EEIG1: variants seen among roughly 807,000 people sequenced by gnomAD.
EEIG1 encodes the protein early estrogen-induced gene 1 protein.
chr9:127,942,964 G>A, the EEIG1 span: 1 of 586,574 alleles, frequency 1.7e-6, no homozygotes, highest in Non-Finnish European at 3.1e-6. Context: ...TAGTGGTTCA[G>A]AGGAGAATAT....
the EEIG1 span, among the ~76,000 whole-genome samples, chr9:127,979,801 T>A: frequency 1.3e-5 from 2 of 152,198 alleles, no homozygotes; most frequent in Non-Finnish European, 2.9e-5. Context: ...CCCCCAGGTA[T>A]TTGGCTGGCG....
the EEIG1 span, chr9:127,953,429 A>G: frequency 4.3e-6 from 3 of 704,676 alleles, no homozygotes; most frequent in East Asian, 5.1e-5. Context: ...AAGACCATCA[A>G]TAAAGATATT....
At chr9:127,979,020 A>C in the EEIG1 span, among the ~76,000 whole-genome samples, 2 of 151,942 alleles carry the variant, frequency 1.3e-5, no homozygotes, top group East Asian at 3.9e-4. Context: ...GCGTCCCCCC[A>C]AAAAAGAAAA....
chr9:127,979,964 C>CT, the EEIG1 span: 3 of 1,600,244 alleles, frequency 1.9e-6, no homozygotes, highest in South Asian at 3.3e-5. Flanking sequence ...ACCCCCGCTG[C>CT]TGCAGGCGCG....
chr9:127,968,875 C>T, the EEIG1 span, among the ~76,000 whole-genome samples: 1 of 152,200 alleles, frequency 6.6e-6, no homozygotes, highest in African/African-American at 2.4e-5. Context: ...ACTCACTGGT[C>T]TCCACCTCCT....
At chr9:127,954,503 A>G in the EEIG1 span, among the ~76,000 whole-genome samples, 271 of 152,246 alleles carry the variant, frequency 1.8e-3, 2 homozygotes, top group Middle Eastern at 0.014. Context: ...AACAGCTGAT[A>G]CCCACACAGT....
chr9:127,943,361 G>T, the EEIG1 span: 1 of 892,838 alleles, frequency 1.1e-6, no homozygotes, highest in East Asian at 2.5e-5. Flanking sequence ...GTTGCAAAGG[G>T]GCTAAAACCG....
chr9:127,943,217 T>C, the EEIG1 span: 25 of 1,614,100 alleles, frequency 1.5e-5, no homozygotes, highest in Non-Finnish European at 2.0e-5. Flanking sequence ...CACAACTGGC[T>C]CGTAGACCCC....
chr9:127,950,591 C>A, the EEIG1 span: 1 of 1,595,072 alleles, frequency 6.3e-7, no homozygotes, highest in Non-Finnish European at 8.6e-7. Flanking sequence ...GGGCTCCTGG[C>A]TGGCGGAAGC....
At chr9:127,944,475 G>A in the EEIG1 span, 1 of 665,674 alleles carries the variant, frequency 1.5e-6, no homozygotes, top group South Asian at 1.7e-5. Context: ...GGGAAAGGGA[G>A]GTTCAGAGAC....
the EEIG1 span, among the ~76,000 whole-genome samples, chr9:127,946,012 T>C: frequency 2.0e-5 from 3 of 152,210 alleles, no homozygotes; most frequent in African/African-American, 7.2e-5. Context: ...GAACAAAAAC[T>C]GCCTCCACTA....
chr9:127,961,171 G>C, the EEIG1 span, among the ~76,000 whole-genome samples: 5 of 152,212 alleles, frequency 3.3e-5, no homozygotes, highest in African/African-American at 4.8e-5. Flanking sequence ...TCTGCGTCCA[G>C]ACCCTGTGTC....
chr9:127,944,737 G>A, the EEIG1 span: 1 of 1,611,608 alleles, frequency 6.2e-7, no homozygotes, highest in African/African-American at 1.3e-5. Flanking sequence ...CCAGCCCTTG[G>A]AGCAGGTGGC....
At chr9:127,947,135 C>T in the EEIG1 span, among the ~76,000 whole-genome samples, 1,795 of 151,698 alleles carry the variant, frequency 0.012, 33 homozygotes, top group African/African-American at 0.04. Context: ...CAGCCGGGCG[C>T]GGTGGCTCAC....
the EEIG1 span, among the ~76,000 whole-genome samples, chr9:127,965,577 C>T: frequency 6.6e-6 from 1 of 152,192 alleles, no homozygotes; most frequent in Non-Finnish European, 1.5e-5. Context: ...CCGTCTGCCC[C>T]TCCCTCAGCC....
chr9:127,959,455 AG>A, the EEIG1 span, among the ~76,000 whole-genome samples: 1 of 152,256 alleles, frequency 6.6e-6, no homozygotes, highest in East Asian at 1.9e-4. Context: ...CCATAGTGAC[AG>A]GAACTAGATT....
At chr9:127,972,174 C>T in the EEIG1 span, among the ~76,000 whole-genome samples, 9 of 152,206 alleles carry the variant, frequency 5.9e-5, no homozygotes, top group East Asian at 1.9e-4. This position sits in a 1 kb window ranked among gnomAD's most constrained non-coding sequence, Gnocchi z 4.3. Flanking sequence ...CAAGCAGGGA[C>T]GCTCCAACTC....
chr9:127,967,615 G>A, the EEIG1 span, among the ~76,000 whole-genome samples: 1 of 152,248 alleles, frequency 6.6e-6, no homozygotes, highest in East Asian at 1.9e-4. Context: ...CAAACACAGA[G>A]CTTCGGGGCT....
At chr9:127,976,559 G>C in the EEIG1 span, among the ~76,000 whole-genome samples, 1 of 152,248 alleles carries the variant, frequency 6.6e-6, no homozygotes, top group Non-Finnish European at 1.5e-5. The surrounding 1 kb of genome is among the most constrained non-coding windows in gnomAD (Gnocchi z 4.1). Context: ...AAAACAGTCA[G>C]CACCCTGCCT....
Sources: allele counts gnomAD v4.1 joint callset (sites outside exome capture counted in the v4.1 genomes callset), GRCh38; gene constraint gnomAD v4.1.1; non-coding constraint Gnocchi (gnomAD v3.1); transcripts MANE v1.5; gene names NCBI Gene and HGNC (gene_info 2026-07-23, HGNC 2026-07-21).